HMGA1: variants seen among roughly 807,000 people sequenced by gnomAD.
The protein encoded by HMGA1 is high mobility group protein HMG-I/HMG-Y.
Under a neutral mutation model 15.1 loss-of-function variants are expected in HMGA1, and 1 was observed. The ratio of observed to expected loss-of-function variants is 0.07; its 90% CI spans 0.02 to 0.31. The LOEUF (loss-of-function observed/expected upper bound fraction) is 0.31, where lower values mean the gene tolerates loss of function less well. HMGA1 is among the 10% of genes least tolerant of loss of function. The probability of loss-of-function intolerance (pLI) is 1.00; values close to 1 mark genes in which losing one functional copy is unlikely to be tolerated. For synonymous variants in HMGA1, 56 were observed against 54.8 expected (o/e 1.02, Z -0.10); for missense variants, 94 against 141.4 (o/e 0.66, Z 1.70).
At chr6:34,243,617 C>T in intron 5 of HMGA1, 99 bp downstream of exon 5, 1 of 981,814 alleles carries the variant, frequency 1.0e-6, no homozygotes, top group Non-Finnish European at 1.6e-6. Context: ...TATGGAAAGG[C>T]TCTCCTTGAC....
intron 5 of HMGA1, among the ~76,000 whole-genome samples, chr6:34,243,925 C>G (rs1762505590): frequency 6.6e-6 from 1 of 152,158 alleles, no homozygotes. Context: ...AGCGAAGGAG[C>G]TGGGCCCTGG....
rs1249838151 is a variant in HMGA1 at position 34,240,794 on chromosome 6, G to C, written c.14G>C (p.Ser5Thr). The change falls in exon 3 of 6, where the codon AGC becomes ACC. Residue 5 changes from serine (S) to threonine (T), a missense_variant. Transcript: ENST00000311487. ...AGAGAAGGGAAGATGAGTGAGTCGA[G>C]CTCGAAGTCCAGCCAGCCCTTGGCC... is the stretch of plus-strand genomic sequence containing the variant. Reference protein sequence around the residue: MSESSSKSSQPLASK... With the variant: MSESTSKSSQPLASK... The C allele has an allele frequency of 3.1e-6, 5 of 1,612,634 alleles. No individual in the cohort carries two copies. The South Asian group carries it at 5.5e-5, about 18-fold the overall frequency.
chr6:34,242,114 A>G (rs532668542), intron 3 of HMGA1, among the ~76,000 whole-genome samples: 72 of 152,238 alleles, frequency 4.7e-4, no homozygotes, highest in African/African-American at 1.7e-3. Context: ...TTTTTATTCT[A>G]TCTACGGCTT....
intron 3 of HMGA1, among the ~76,000 whole-genome samples, 187 bp downstream of exon 3, chr6:34,241,102 A>C (rs1762271712): frequency 6.6e-6 from 1 of 152,174 alleles, no homozygotes; most frequent in Non-Finnish European, 1.5e-5. Context: ...ATCTCTATAG[A>C]GACCCCAGGA....
intron 2 of HMGA1, among the ~76,000 whole-genome samples, chr6:34,237,898 T>C (rs1761939581): frequency 6.6e-6 from 1 of 151,902 alleles, no homozygotes; most frequent in Admixed American, 6.5e-5. Context: ...CGGGCCTGGG[T>C]TTGGGGCTTC....
At chr6:34,238,341 C>G (rs73744849) in intron 2 of HMGA1, among the ~76,000 whole-genome samples, 3,218 of 152,196 alleles carry the variant, frequency 0.021, 115 homozygotes, top group African/African-American at 0.073. Context: ...CGGGCCGGGT[C>G]TGGAGCCTGA....
intron 2 of HMGA1, among the ~76,000 whole-genome samples, chr6:34,238,349 T>A (rs1761999369): frequency 6.6e-6 from 1 of 152,064 alleles, no homozygotes; most frequent in Admixed American, 6.5e-5. Context: ...GTCTGGAGCC[T>A]GATGCCTCGG....
At chr6:34,242,660 G>T in intron 3 of HMGA1, 52 bp from the exon 4 acceptor site, 1 of 1,276,388 alleles carries the variant, frequency 7.8e-7, no homozygotes, top group South Asian at 1.3e-5. Context: ...TGTCTTCTGA[G>T]GGGGTGGAAA....
Position 34,237,936 on chromosome 6 carries a change from G to A in HMGA1, c.-45+619G>A, listed in dbSNP as rs79127179. Among the ~76,000 whole-genome samples, 1,448 of 152,244 alleles carry A rather than the reference G, an allele frequency of 9.5e-3. 18 individuals are homozygous for A. Among genetic ancestry groups the A allele is most frequent in the African/African-American group, 0.026 (1,093 of 41,570 alleles). ...CCCGACCCCACCTCTGGCCTGGCCC[G>A]CGCCTCTTCAGCCCCAGGGGCCGGG... On this transcript the variant is annotated intron_variant, in intron 2 of 5. Coordinates refer to ENST00000311487, the MANE Select transcript of HMGA1 (RefSeq NM_145899.3).
Position 34,241,035 on chromosome 6 carries a change from G to A in HMGA1, c.135+120G>A, listed in dbSNP as rs571797566. On this transcript the variant is annotated intron_variant, in intron 3 of 5. Transcript: ENST00000311487. The stretch of plus-strand genomic sequence containing the variant: ...TGCAGAATGATTCTGCGCAGTAAGC[G>A]TGTGGGTGTGTCCTCCCACCTGTGT... 1.4e-4 allele frequency: 163 copies of A among 1,149,400 alleles called. 1 individual carries two copies. Among genetic ancestry groups the A allele is most frequent in the South Asian group, 9.8e-4 (74 of 75,612 alleles). The allele number at this position is 1,149,400 out of a possible 1,614,324, so 71.2% of individuals were successfully genotyped here.
intron 3 of HMGA1, among the ~76,000 whole-genome samples, chr6:34,242,276 A>T (rs1435747014): frequency 6.6e-6 from 1 of 152,134 alleles, no homozygotes; most frequent in Non-Finnish European, 1.5e-5. Flanking sequence ...GGCAGTGATC[A>T]TGGCCCAGTG....
chr6:34,245,019 C>A lies in HMGA1; in HGVS notation c.*135C>A, dbSNP rs562344845. The A allele has an allele frequency of 6.5e-6, 10 of 1,531,922 alleles. No individual in the cohort carries two copies. In the Admixed American group the frequency reaches 2.0e-4, roughly 30 times the overall value. The allele number at this position is 1,531,922 out of a possible 1,614,324, so 94.9% of individuals were successfully genotyped here. ...CGCCTCTGGCCGCCACCCCCATCTTCCACCTGTGCCCTCACCACCACACTA... is the reference window on the plus strand; with the variant it reads ...CGCCTCTGGCCGCCACCCCCATCTTACACCTGTGCCCTCACCACCACACTA... On this transcript the variant is annotated 3_prime_UTR_variant, in exon 6 of 6. Transcript: ENST00000311487.
In HMGA1 at chr6:34,237,294, C is replaced by T. The variant is rs935155568; in HGVS notation, c.-68C>T. On this transcript the variant is annotated 5_prime_UTR_variant, in exon 2 of 6. Coordinates refer to ENST00000311487, the MANE Select transcript of HMGA1 (RefSeq NM_145899.3). Reference sequence around the variant, plus strand: ...GCTCCCGGCAACCCGGAGCGCGCACCGCAGGCCGGCGGCCGAGCTCGCGGT... The same window carrying T: ...GCTCCCGGCAACCCGGAGCGCGCACTGCAGGCCGGCGGCCGAGCTCGCGGT... The T allele has an allele frequency of 6.8e-6, 1 of 147,796 alleles. No individual in the cohort carries two copies. The highest frequency in any genetic ancestry group is 2.4e-5 in the African/African-American group (1 of 40,924). The allele number at this position is 147,796 out of a possible 1,614,324, so 9.2% of individuals were successfully genotyped here.
intron 2 of HMGA1, chr6:34,240,528 T>C (rs1762215924): frequency 6.0e-6 from 3 of 498,864 alleles, no homozygotes; most frequent in African/African-American, 3.9e-5. Context: ...GAACAGGAGA[T>C]AGATAAGAAG....
chr6:34,241,940 C>A (rs1282928475), intron 3 of HMGA1, among the ~76,000 whole-genome samples: 1 of 152,098 alleles, frequency 6.6e-6, no homozygotes, highest in Non-Finnish European at 1.5e-5. Flanking sequence ...AGCCTAGCTC[C>A]CTCAGCCTCC....
chr6:34,244,859 A>G lies in HMGA1; in HGVS notation c.299A>G (p.Gln100Arg), dbSNP rs1055681041. The change falls in exon 6 of 6, where the codon CAG becomes CGG. Residue 100 changes from glutamine to arginine, a missense_variant. By Grantham distance (43) the Gln-to-Arg change is conservative (BLOSUM62 1). Transcript: ENST00000311487. ...LEKEEEEGIS[Q>R]ESSEEEQ ...AAGGAGGAAGAGGAGGGCATCTCGC[A>G]GGAGTCCTCGGAGGAGGAGCAGTGA... 7 of 1,569,522 alleles carry G rather than the reference A, an allele frequency of 4.5e-6. No homozygotes were observed. Among genetic ancestry groups the G allele is most frequent in the Non-Finnish European group, 5.2e-6 (6 of 1,157,540 alleles).
intron 3 of HMGA1, 81 bp from the exon 4 acceptor site, chr6:34,242,631 T>G: frequency 1.1e-6 from 1 of 947,416 alleles, no homozygotes; most frequent in Non-Finnish European, 1.7e-6. Flanking sequence ...CTTAACCTTG[T>G]TGAGGAGGCA....
In HMGA1 at chr6:34,245,947, T is replaced by C. The variant is rs1322791829; in HGVS notation, c.*1063T>C. On this transcript the variant is annotated 3_prime_UTR_variant, in exon 6 of 6. Transcript: ENST00000311487. ...AAATGTTCATCCTCATTGCCTCCTGTTCTGCCCACGATCCCCTCCCCCAAG... is the reference window on the plus strand; with the variant it reads ...AAATGTTCATCCTCATTGCCTCCTGCTCTGCCCACGATCCCCTCCCCCAAG... 2 of 297,842 alleles carry C rather than the reference T, an allele frequency of 6.7e-6. No individual in the cohort carries two copies. Among genetic ancestry groups the C allele is most frequent in the Admixed American group, 5.0e-5 (1 of 19,930 alleles). The allele number at this position is 297,842 out of a possible 1,614,324, so 18.4% of individuals were successfully genotyped here.
intron 1 of HMGA1, 72 bp downstream of exon 1, chr6:34,237,035 G>C (rs1222077531): frequency 1.3e-5 from 2 of 151,672 alleles, no homozygotes; most frequent in African/African-American, 4.8e-5. Context: ...TATTTATTGA[G>C]GCCGCGCACG....
Sources: allele counts gnomAD v4.1 joint callset (sites outside exome capture counted in the v4.1 genomes callset), GRCh38; gene constraint gnomAD v4.1.1; transcripts MANE v1.5; gene names NCBI Gene and HGNC (gene_info 2026-07-23, HGNC 2026-07-21).